Variants in ADD3 observed in about 807,000 individuals in gnomAD.
ADD3 encodes gamma-adducin.
In ADD3, 25 loss-of-function variants were observed where a neutral mutation model predicts 80.2. The observed-to-expected ratio is 0.31, with a 90% CI of 0.23 to 0.44. The LOEUF (loss-of-function observed/expected upper bound fraction) is 0.44, where lower values mean the gene tolerates loss of function less well. Ranked by LOEUF, ADD3 falls within the 20% of genes least tolerant of loss-of-function variation. ADD3 has a pLI of 1.00. For missense variants in ADD3, 829 were observed against 847.5 expected, an observed-to-expected ratio of 0.98 and a Z score of 0.27; for synonymous variants, 284 against 289.6, an observed-to-expected ratio of 0.98 and a Z score of 0.20.
intron 1 of ADD3, among the ~76,000 whole-genome samples, chr10:110,015,969 T>C (rs1385928312): frequency 6.6e-6 from 1 of 152,200 alleles, no homozygotes; most frequent in African/African-American, 2.4e-5. Context: ...GAGAAGCTGA[T>C]TAATTGGTAA....
chr10:110,021,291 G>A lies in ADD3; in HGVS notation c.-30+12992G>A, dbSNP rs1479560796. ...GTGTTGTTACTGCCCTTTAAAAATG[G>A]AACAGTCTGGCTGTTCCTCAGAGTT... On this transcript the variant is annotated intron_variant, in intron 1 of 14. Transcript: ENST00000356080. Among the ~76,000 whole-genome samples the A allele has an allele frequency of 3.9e-5, 6 of 152,134 alleles. No homozygotes were observed. In the South Asian group the frequency reaches 6.2e-4, roughly 16 times the overall value.
At chr10:110,074,679 C>T (rs146177385) in intron 1 of ADD3, among the ~76,000 whole-genome samples, 3,760 of 151,814 alleles carry the variant, frequency 0.025, 85 homozygotes, top group Non-Finnish European at 0.038. Flanking sequence ...AATAACTAAT[C>T]GCAAGTCATT....
chr10:110,077,783 TG>T (rs35335736), intron 1 of ADD3, among the ~76,000 whole-genome samples: 90,051 of 151,818 alleles, frequency 0.59, 30,342 homozygotes, highest in African/African-American at 0.89. Context: ...TTTTCGCAAC[TG>T]GGGGTCTGTC....
chr10:110,032,863 A>G (rs1232868741), intron 1 of ADD3, among the ~76,000 whole-genome samples: 1 of 152,230 alleles, frequency 6.6e-6, no homozygotes, highest in Non-Finnish European at 1.5e-5. Flanking sequence ...ATTGCCTACC[A>G]GAAACTTTAT....
At chr10:110,099,939 C>G (rs74154980) in intron 1 of ADD3, among the ~76,000 whole-genome samples, 1,617 of 152,252 alleles carry the variant, frequency 0.011, 32 homozygotes, top group African/African-American at 0.038. Context: ...TCCTATTACT[C>G]TGAAATACTT....
At chr10:110,061,026 A>G (rs1398553042) in intron 1 of ADD3, among the ~76,000 whole-genome samples, 1 of 152,220 alleles carries the variant, frequency 6.6e-6, no homozygotes, top group South Asian at 2.1e-4. Context: ...TTTTGACCGT[A>G]TTTGACATTC....
rs185466544 is a variant in ADD3, at chr10:110,086,012, C to T, written c.-29-14613C>T. 1.2e-3 allele frequency among the ~76,000 whole-genome samples: 185 copies of T among 152,072 alleles called. 1 individual carries two copies. The highest frequency in any genetic ancestry group is 4.2e-3 in the African/African-American group (173 of 41,452). On this transcript the variant is annotated intron_variant, in intron 1 of 14. Transcript: ENST00000356080. ...CCCAGCTACTTGGACGGCTGAAGCA[C>T]GAGAATCGCTTGAACCTGGGAGGCG...
chr10:110,002,988 T>A (rs1041605759), upstream of ADD3, among the ~76,000 whole-genome samples: 4 of 152,220 alleles, frequency 2.6e-5, no homozygotes, highest in African/African-American at 9.6e-5. Context: ...CCCTGCCTTG[T>A]TCCCCAAGTA....
chr10:110,006,961 T>C (rs1013366357), upstream of ADD3, among the ~76,000 whole-genome samples: 2 of 151,666 alleles, frequency 1.3e-5, no homozygotes, highest in African/African-American at 4.8e-5. Context: ...TGCTTGCAAG[T>C]GTACTGGTGC....
At chr10:110,023,058 G>A (rs1158476011) in intron 1 of ADD3, among the ~76,000 whole-genome samples, 2 of 152,148 alleles carry the variant, frequency 1.3e-5, no homozygotes, top group African/African-American at 2.4e-5. Flanking sequence ...CTGAGATTTG[G>A]TTGTGTGAAG....
At chr10:110,125,563 T>G (rs2134184856) in intron 10 of ADD3, among the ~76,000 whole-genome samples, 1 of 152,332 alleles carries the variant, frequency 6.6e-6, no homozygotes, top group South Asian at 2.1e-4. Context: ...CATCATATTT[T>G]CACTTGACAC....
At chr10:109,999,697 C>T (rs1201968677) in intron 1 of ADD3, among the ~76,000 whole-genome samples, 3 of 152,086 alleles carry the variant, frequency 2.0e-5, no homozygotes, top group Non-Finnish European at 4.4e-5. Context: ...TAAACTGTAG[C>T]TATAACAAAT....
intron 1 of ADD3, among the ~76,000 whole-genome samples, chr10:110,014,496 C>CT (rs1417551607): frequency 6.6e-6 from 1 of 152,134 alleles, no homozygotes; most frequent in Admixed American, 6.6e-5. Flanking sequence ...CAGTGTACCT[C>CT]TTACCTTGCC....
intron 1 of ADD3, among the ~76,000 whole-genome samples, chr10:110,095,136 A>AT (rs1425217933): frequency 6.6e-6 from 1 of 152,240 alleles, no homozygotes. Flanking sequence ...GTTCTCGCCC[A>AT]TTGTGAGGAC....
chr10:110,018,741 C>T (rs1174869396), intron 1 of ADD3, among the ~76,000 whole-genome samples: 2 of 152,084 alleles, frequency 1.3e-5, no homozygotes, highest in East Asian at 1.9e-4. Flanking sequence ...TATCTTGCCA[C>T]TATAAGGCAT....
chr10:110,019,240 T>G (rs1430453623), intron 1 of ADD3, among the ~76,000 whole-genome samples: 3 of 152,230 alleles, frequency 2.0e-5, no homozygotes, highest in African/African-American at 7.2e-5. Context: ...AGATTTTAGA[T>G]TTGTTCCAAA....
At chr10:110,049,741 G>A (rs1857285982) in intron 1 of ADD3, among the ~76,000 whole-genome samples, 1 of 151,768 alleles carries the variant, frequency 6.6e-6, no homozygotes, top group Admixed American at 6.6e-5. Context: ...CAAAAAATTA[G>A]CTGGGCGTTG....
In ADD3 at chr10:110,037,682, A is replaced by C. The variant is rs571634658; in HGVS notation, c.-30+29383A>C. Among the ~76,000 whole-genome samples, 9 of 152,200 alleles carry C rather than the reference A, an allele frequency of 5.9e-5. No individual in the cohort carries two copies. The South Asian group carries it at 1.9e-3, about 32-fold the overall frequency. On this transcript the variant is annotated intron_variant, in intron 1 of 14. Transcript: ENST00000356080. ...GTTTTGGTGATTTTAAATTTAAAGG[A>C]CACTGCCATATCATAACATACACTG...
At chr10:110,076,697 G>A (rs1296457338) in intron 1 of ADD3, among the ~76,000 whole-genome samples, 2 of 152,140 alleles carry the variant, frequency 1.3e-5, no homozygotes, top group African/African-American at 4.8e-5. Flanking sequence ...CTTAGAAGTT[G>A]GCATGGTTGG....
Sources: gnomAD v4.1 joint callset for allele counts (sites outside exome capture counted in the v4.1 genomes callset) on GRCh38, gnomAD v4.1.1 for gene constraint, MANE v1.5 for transcripts, NCBI Gene and HGNC (gene_info 2026-07-23, HGNC 2026-07-21) for gene names.